Variants in SOX5 observed in about 807,000 individuals in gnomAD.
SOX5 encodes the protein SRY-box transcription factor 5, also known as transcription factor SOX-5.
In SOX5, 9 loss-of-function variants were observed where a neutral mutation model predicts 92.0. The ratio of observed to expected loss-of-function variants is 0.10; its 90% CI spans 0.06 to 0.17. SOX5 has a LOEUF of 0.17. Ranked by LOEUF, SOX5 falls within the 10% of genes least tolerant of loss-of-function variation. The pLI is 1.00. For missense variants in SOX5, 642 were observed against 944.5 expected (o/e 0.68, Z 4.20); for synonymous variants, 344 against 336.3 (o/e 1.02, Z -0.25).
intron 4 of SOX5, among the ~76,000 whole-genome samples, chr12:23,965,498 A>G (rs1947452379): frequency 6.6e-6 from 1 of 152,160 alleles, no homozygotes; most frequent in Admixed American, 6.5e-5. Flanking sequence ...CAAATTGTGG[A>G]CAGACCATCT....
At chr12:24,427,517 A>G (rs987042147) in intron 1 of SOX5, among the ~76,000 whole-genome samples, 3 of 152,190 alleles carry the variant, frequency 2.0e-5, no homozygotes, top group African/African-American at 7.2e-5. Flanking sequence ...CCATGGCTAA[A>G]ATGCTACTTT....
chr12:24,237,370 T>C (rs2728834), intron 3 of SOX5, among the ~76,000 whole-genome samples: 68,607 of 151,958 alleles, frequency 0.45, 15,984 homozygotes, highest in Non-Finnish European at 0.49. Flanking sequence ...TGGAACCAAA[T>C]GAACCTTAGT....
At chr12:24,281,751 C>A (rs1159885804) in intron 2 of SOX5, among the ~76,000 whole-genome samples, 1 of 152,134 alleles carries the variant, frequency 6.6e-6, no homozygotes, top group Admixed American at 6.5e-5. Context: ...AAAAGTGAAG[C>A]ATGAGGGGGA....
intron 2 of SOX5, among the ~76,000 whole-genome samples, chr12:23,881,963 A>G (rs73267719): frequency 0.07 from 10,589 of 152,264 alleles, 456 homozygotes; most frequent in South Asian, 0.11. Context: ...TTTATATGAT[A>G]GGAAATAAAA....
intron 4 of SOX5, among the ~76,000 whole-genome samples, chr12:24,163,709 TAGC>T (rs1163508971): frequency 1.3e-5 from 2 of 151,980 alleles, no homozygotes; most frequent in South Asian, 2.1e-4. Flanking sequence ...TCTGAAAAGT[TAGC>T]AGCAGCCAAT....
chr12:23,923,243 G>A (rs976409729), intron 1 of SOX5, among the ~76,000 whole-genome samples: 1 of 152,026 alleles, frequency 6.6e-6, no homozygotes. Flanking sequence ...GAGCCTCCAT[G>A]CCCGGCCAAG....
At chr12:23,992,459 A>T (rs1950654642) in intron 4 of SOX5, among the ~76,000 whole-genome samples, 1 of 152,170 alleles carries the variant, frequency 6.6e-6, no homozygotes, top group African/African-American at 2.4e-5. Flanking sequence ...TTTGCAAAGT[A>T]GCCATTAATA....
chr12:24,218,994 AATACAGTTTGTTAAT>A (rs1959737498), intron 3 of SOX5, among the ~76,000 whole-genome samples: 3 of 152,224 alleles, frequency 2.0e-5, no homozygotes, highest in South Asian at 4.1e-4. Context: ...CAACTTTTAG[AATACAGTTTGTTAAT>A]AGTTGGAAAT....
chr12:23,780,367 AT>A (rs1225653095), intron 3 of SOX5, among the ~76,000 whole-genome samples: 4 of 151,806 alleles, frequency 2.6e-5, no homozygotes, highest in Admixed American at 6.6e-5. Flanking sequence ...TATTTTATAG[AT>A]TTTTTTCTTC....
chr12:24,426,823 C>G (rs1966827627), intron 1 of SOX5, among the ~76,000 whole-genome samples: 1 of 152,070 alleles, frequency 6.6e-6, no homozygotes, highest in South Asian at 2.1e-4. Context: ...TATTACTTCC[C>G]TCTCTCTGGA....
intron 1 of SOX5, among the ~76,000 whole-genome samples, chr12:23,922,997 G>A: frequency 6.6e-6 from 1 of 151,336 alleles, no homozygotes. Flanking sequence ...CCAGGCTGGA[G>A]TGCAGTGGCG....
At chr12:24,313,036 A>G (rs951613666) in intron 2 of SOX5, among the ~76,000 whole-genome samples, 3 of 152,084 alleles carry the variant, frequency 2.0e-5, no homozygotes, top group African/African-American at 7.2e-5. Flanking sequence ...TCATACATAC[A>G]ATATGGTGCA....
In SOX5 at chr12:23,575,694, A is replaced by G; in HGVS notation, c.1309T>C (p.Leu437=). ...CTAACTCTGGCTGAAGGACTAGCTA[A>G]CGCTGCTGGGACAGAGGCTTTGAGG... ...GPLKASVPAA[L]ASPSARVSTI... The change falls in exon 10 of 15, where the codon TTA becomes CTA. Residue 437 remains leucine, a synonymous_variant. Transcript: ENST00000451604. The G allele has an allele frequency of 1.2e-6, 2 of 1,614,210 alleles. No homozygotes were observed. The highest frequency in any genetic ancestry group is 2.2e-5 in the East Asian group (1 of 44,872).
chr12:23,645,047 T>C (rs913775000), intron 7 of SOX5, among the ~76,000 whole-genome samples: 1 of 152,226 alleles, frequency 6.6e-6, no homozygotes, highest in Non-Finnish European at 1.5e-5. Flanking sequence ...AACAGAATTC[T>C]GCTAGCTGCT....
At chr12:24,448,984 C>T (rs1465698311) in intron 1 of SOX5, among the ~76,000 whole-genome samples, 5 of 152,070 alleles carry the variant, frequency 3.3e-5, no homozygotes, top group Non-Finnish European at 5.9e-5. Flanking sequence ...ATTTCCTCCC[C>T]GCTACACCCC....
chr12:24,174,162 T>A (rs1377853573), intron 4 of SOX5, among the ~76,000 whole-genome samples: 2 of 152,078 alleles, frequency 1.3e-5, no homozygotes, highest in Non-Finnish European at 2.9e-5. Context: ...CATACCTGGT[T>A]AATTTTTGTA....
At chr12:24,083,914 C>G (rs1286765541) in intron 4 of SOX5, among the ~76,000 whole-genome samples, 1 of 151,896 alleles carries the variant, frequency 6.6e-6, no homozygotes, top group Non-Finnish European at 1.5e-5. Flanking sequence ...TAAGTGCTAC[C>G]CTTAAGTACA....
At chr12:24,003,674 C>T (rs1951848138) in intron 4 of SOX5, among the ~76,000 whole-genome samples, 2 of 151,730 alleles carry the variant, frequency 1.3e-5, no homozygotes, top group South Asian at 4.2e-4. Context: ...AATGATATTC[C>T]ATGTTCATAG....
At chr12:24,431,252 G>A (rs1025388378) in intron 1 of SOX5, among the ~76,000 whole-genome samples, 5 of 152,230 alleles carry the variant, frequency 3.3e-5, no homozygotes, top group African/African-American at 1.2e-4. Flanking sequence ...TTCTGACTAT[G>A]ATGCATGGAT....
Sources: allele counts gnomAD v4.1 joint callset (sites outside exome capture counted in the v4.1 genomes callset), GRCh38; gene constraint gnomAD v4.1.1; transcripts MANE v1.5; gene names NCBI Gene and HGNC (gene_info 2026-07-23, HGNC 2026-07-21).